MYCBP2: variants seen among roughly 807,000 people sequenced by gnomAD.
The protein encoded by MYCBP2 is E3 ubiquitin-protein ligase MYCBP2.
In MYCBP2, 120 loss-of-function variants were observed where a neutral mutation model predicts 525.3. The ratio of observed to expected loss-of-function variants is 0.23; its 90% CI spans 0.20 to 0.27. MYCBP2 has a LOEUF of 0.27. MYCBP2 is among the 10% of genes least tolerant of loss of function. The probability of loss-of-function intolerance (pLI) is 1.00; values close to 1 mark genes in which losing one functional copy is unlikely to be tolerated. For synonymous variants in MYCBP2, 1,894 were observed against 1,955.8 expected (o/e 0.97, Z 0.83); for missense variants, 4,149 against 5,657.1 (o/e 0.73, Z 8.55).
chr13:77,182,246 G>A (rs1351489123), intron 32 of MYCBP2, among the ~76,000 whole-genome samples: 2 of 152,026 alleles, frequency 1.3e-5, no homozygotes, highest in Non-Finnish European at 2.9e-5. Flanking sequence ...TGCCAAAAAG[G>A]CCCCAATTAG....
chr13:77,237,717 A>G (rs1236299726), intron 17 of MYCBP2, among the ~76,000 whole-genome samples: 2 of 152,188 alleles, frequency 1.3e-5, no homozygotes, highest in African/African-American at 4.8e-5. Flanking sequence ...CTATCACAGT[A>G]TGAAATTATA....
chr13:77,056,099 G>GGTGTGTGTGT (rs56952443), intron 79 of MYCBP2, among the ~76,000 whole-genome samples: 1,507 of 120,550 alleles, frequency 0.013, 37 homozygotes, highest in East Asian at 0.017. Flanking sequence ...CTCTGTGTTT[G>GGTGTGTGTGT]GTGTGTGTGT....
At chr13:77,319,007 T>C (rs933333950) in intron 1 of MYCBP2, among the ~76,000 whole-genome samples, 3 of 152,214 alleles carry the variant, frequency 2.0e-5, no homozygotes, top group Non-Finnish European at 2.9e-5. Context: ...GCTAGTAATT[T>C]GTGACAGATA....
At chr13:77,180,093 G>GC in intron 34 of MYCBP2, 34 bp downstream of exon 34, 1 of 1,525,226 alleles carries the variant, frequency 6.6e-7, no homozygotes, top group Middle Eastern at 1.9e-4. Flanking sequence ...TTACACATGT[G>GC]CTTTTTATCC....
chr13:77,065,958 A>G, intron 72 of MYCBP2, 34 bp downstream of exon 72: 1 of 1,528,456 alleles, frequency 6.5e-7, no homozygotes, highest in Non-Finnish European at 9.0e-7. Flanking sequence ...TTCCTGCCGC[A>G]CTTCACTGCC....
chr13:77,105,779 C>G, intron 55 of MYCBP2, among the ~76,000 whole-genome samples: 1 of 152,016 alleles, frequency 6.6e-6, no homozygotes, highest in Non-Finnish European at 1.5e-5. Context: ...ATATTAAAAA[C>G]AATTTTAAAG....
At chr13:77,129,004 G>C (rs1437342211) in intron 52 of MYCBP2, 1 of 386,120 alleles carries the variant, frequency 2.6e-6, no homozygotes, top group Non-Finnish European at 4.6e-6. Flanking sequence ...CTTTTTGGCA[G>C]GAGTGAGAAA....
rs1168564147 is a variant in MYCBP2, at chr13:77,168,611, C to T, written c.5931G>A (p.Leu1977=). The stretch of plus-strand genomic sequence containing the variant: ...GATTCAAAATGGCAACTGACGGAAG[C>T]AATTGTTGGACAAGGCCAAAGACTT... ...AVEVFGLVQQ[L]LPSVAILNQK... Residue 1977 remains leucine, a synonymous_variant, in exon 40 of 83, where the codon TTG becomes TTA. Transcript: ENST00000544440. 1 of 1,614,140 alleles carries T rather than the reference C, an allele frequency of 6.2e-7. No individual in the cohort carries two copies. Among genetic ancestry groups the T allele is most frequent in the South Asian group, 1.1e-5 (1 of 91,070 alleles).
intron 15 of MYCBP2, among the ~76,000 whole-genome samples, chr13:77,247,323 G>A (rs1268892559): frequency 1.3e-5 from 2 of 152,002 alleles, no homozygotes; most frequent in African/African-American, 4.8e-5. Context: ...TGAACAATAT[G>A]AAAAGGAAAT....
intron 12 of MYCBP2, among the ~76,000 whole-genome samples, chr13:77,260,891 T>C (rs1350489411): frequency 6.6e-6 from 1 of 152,148 alleles, no homozygotes; most frequent in Non-Finnish European, 1.5e-5. Flanking sequence ...ATCTCTAAAT[T>C]AGCTATTGCA....
intron 30 of MYCBP2, 39 bp downstream of exon 30, chr13:77,188,912 C>A: frequency 7.1e-7 from 1 of 1,413,484 alleles, no homozygotes; most frequent in Non-Finnish European, 9.7e-7. Flanking sequence ...TATCTGAGGA[C>A]TGAAGAGAAA....
intron 1 of MYCBP2, among the ~76,000 whole-genome samples, chr13:77,304,873 T>C (rs1340212684): frequency 2.6e-5 from 4 of 151,930 alleles, no homozygotes; most frequent in African/African-American, 9.7e-5. Flanking sequence ...GAGACATCAC[T>C]ACAGATGCTG....
At chr13:77,142,411 A>G (rs1034048575) in intron 49 of MYCBP2, among the ~76,000 whole-genome samples, 1 of 152,242 alleles carries the variant, frequency 6.6e-6, no homozygotes, top group African/African-American at 2.4e-5. Flanking sequence ...GGTCTCTAGA[A>G]TGGTACAGAT....
chr13:77,164,393 A>G, intron 43 of MYCBP2, 61 bp downstream of exon 43: 1 of 1,123,640 alleles, frequency 8.9e-7, no homozygotes, highest in Non-Finnish European at 1.3e-6. Context: ...TGGCCCTTTT[A>G]TAATACATAC....
chr13:77,260,702 T>C, intron 12 of MYCBP2, 110 bp from the exon 13 acceptor site: 4 of 958,142 alleles, frequency 4.2e-6, no homozygotes, highest in Non-Finnish European at 5.9e-6. Context: ...TTTATGACAC[T>C]ATTTGTTTAT....
At chr13:77,228,721 G>C (rs1282382435) in intron 18 of MYCBP2, among the ~76,000 whole-genome samples, 3 of 151,614 alleles carry the variant, frequency 2.0e-5, no homozygotes, top group South Asian at 4.2e-4. Context: ...GTGTGTGTGT[G>C]TGTGTGTATA....
intron 29 of MYCBP2, 80 bp from the exon 30 acceptor site, chr13:77,189,127 T>C: frequency 1.1e-6 from 1 of 943,944 alleles, no homozygotes; most frequent in Non-Finnish European, 1.5e-6. Flanking sequence ...TATACATTTT[T>C]GAATGGGAAA....
intron 68 of MYCBP2, 68 bp from the exon 69 acceptor site, chr13:77,070,779 G>A (rs2041084525): frequency 1.0e-6 from 1 of 963,066 alleles, no homozygotes; most frequent in East Asian, 2.6e-5. Context: ...TTGTATATGT[G>A]ATATTTCAAA....
At chr13:77,272,367 C>A (rs1337758307) in intron 5 of MYCBP2, 1 of 152,180 alleles carries the variant, frequency 6.6e-6, no homozygotes, top group East Asian at 1.9e-4. Context: ...TTCTTATACT[C>A]CTGCTATGAG....
Sources: gnomAD v4.1 joint callset for allele counts (sites outside exome capture counted in the v4.1 genomes callset) on GRCh38, gnomAD v4.1.1 for gene constraint, MANE v1.5 for transcripts, NCBI Gene and HGNC (gene_info 2026-07-23, HGNC 2026-07-21) for gene names.